Variants in KIAA1549 observed in about 807,000 individuals in gnomAD.
KIAA1549 encodes the protein UPF0606 protein KIAA1549.
In KIAA1549, 70 loss-of-function variants were observed where a neutral mutation model predicts 156.4. The ratio of observed to expected loss-of-function variants is 0.45; its 90% CI spans 0.37 to 0.55. The LOEUF is 0.55. KIAA1549 is among the 20% of genes least tolerant of loss of function. The pLI is 0.00. For synonymous variants in KIAA1549, 1,103 were observed against 1,066.4 expected (o/e 1.03, Z -0.67); for missense variants, 2,428 against 2,540.9 (o/e 0.96, Z 0.96).
chr7:138,904,639 A>C (rs1811955365), intron 7 of KIAA1549, among the ~76,000 whole-genome samples: 1 of 150,984 alleles, frequency 6.6e-6, no homozygotes, highest in Non-Finnish European at 1.5e-5. Flanking sequence ...AAAAAAAAAA[A>C]AGCTTCCCAG....
Position 138,837,975 on chromosome 7 carries a change from G to C in KIAA1549, c.5784C>G (p.Ile1928Met). ...GGAGGAGCTCCTCGCGGATTGCTTT[G>C]ATGAGAGAGGCCGAGGAGTGGCCAG... ...LQPGHSSASL[I>M]KAIREELLRL... Residue 1928 changes from isoleucine to methionine, a missense_variant, in exon 20 of 20, where the codon ATC becomes ATG. Around this residue, in one of 5 missense-constraint regions of KIAA1549, gnomAD observed 363 missense variants for 354.0 expected, o/e 1.03. Transcript: ENST00000422774. 6.2e-7 allele frequency: 1 copy of C among 1,613,726 alleles called. No homozygotes were observed. The highest frequency in any genetic ancestry group is 8.5e-7 in the Non-Finnish European group (1 of 1,179,832).
intron 1 of KIAA1549, among the ~76,000 whole-genome samples, chr7:138,971,049 G>T (rs1397520972): frequency 6.6e-6 from 1 of 152,170 alleles, no homozygotes; most frequent in Non-Finnish European, 1.5e-5. Flanking sequence ...CAGCTGCCCT[G>T]CCCTCGACAC....
intron 12 of KIAA1549, among the ~76,000 whole-genome samples, chr7:138,877,276 A>G (rs922486276): frequency 2.0e-5 from 3 of 152,316 alleles, no homozygotes; most frequent in East Asian, 1.9e-4. Flanking sequence ...GGCAGATCAC[A>G]TAAGGCCAGG....
chr7:138,881,683 A>C, intron 10 of KIAA1549, 99 bp from the exon 11 acceptor site: 1 of 999,652 alleles, frequency 1.0e-6, no homozygotes, highest in Non-Finnish European at 1.5e-6. Flanking sequence ...GCAATTCCAC[A>C]ACTCCAATCC....
chr7:138,936,186 G>A (rs1229934153), intron 1 of KIAA1549, among the ~76,000 whole-genome samples: 2 of 152,192 alleles, frequency 1.3e-5, no homozygotes, highest in Admixed American at 6.5e-5. Flanking sequence ...AGGTAAAAAA[G>A]ATGATCAAAT....
At chr7:138,900,028 C>T (rs142267069) in intron 8 of KIAA1549, among the ~76,000 whole-genome samples, 42 of 152,306 alleles carry the variant, frequency 2.8e-4, no homozygotes, top group East Asian at 1.4e-3. Context: ...GCGAGGGCTC[C>T]GAGCTCCTTA....
chr7:138,981,040 G>A lies in KIAA1549; in HGVS notation c.187+43C>T. ...TTTGAAAACAGCAGCGATAAAGGCAGGCGGGGTCGCGGCCGCGTTCCGAGG... is the reference window on the plus strand; with the variant it reads ...TTTGAAAACAGCAGCGATAAAGGCAAGCGGGGTCGCGGCCGCGTTCCGAGG... On this transcript the variant is annotated intron_variant, in intron 1 of 19. Coordinates refer to ENST00000422774, the MANE Select transcript of KIAA1549 (RefSeq NM_001164665.2). The surrounding 1 kb of genome is among the most constrained non-coding windows in gnomAD (Gnocchi z 4.5). The A allele has an allele frequency of 5.8e-6, 7 of 1,217,098 alleles. No individual in the cohort carries two copies. The South Asian group carries it at 1.7e-4, about 29-fold the overall frequency. The allele number at this position is 1,217,098 out of a possible 1,614,324, so 75.4% of individuals were successfully genotyped here.
chr7:138,894,101 C>T (rs977435255), intron 10 of KIAA1549, among the ~76,000 whole-genome samples: 3 of 152,148 alleles, frequency 2.0e-5, no homozygotes, highest in East Asian at 1.9e-4. Context: ...TAGTAGAACC[C>T]GGAGGGCATG....
At chr7:138,862,984 CT>C (rs1440693584) in intron 15 of KIAA1549, among the ~76,000 whole-genome samples, 9 of 152,256 alleles carry the variant, frequency 5.9e-5, no homozygotes, top group Admixed American at 5.9e-4. Context: ...ATACCTACTG[CT>C]TAAGAGGTAG....
At chr7:138,884,679 A>G (rs1395396122) in intron 10 of KIAA1549, among the ~76,000 whole-genome samples, 1 of 152,238 alleles carries the variant, frequency 6.6e-6, no homozygotes, top group Non-Finnish European at 1.5e-5. Flanking sequence ...CTGGTATAGC[A>G]TCACATGGCA....
intron 1 of KIAA1549, among the ~76,000 whole-genome samples, chr7:138,950,786 C>T (rs575934419): frequency 3.9e-5 from 6 of 152,272 alleles, no homozygotes; most frequent in African/African-American, 1.4e-4. Flanking sequence ...GACTCTGGAT[C>T]TCCCCGGGGG....
chr7:138,911,351 T>C (rs1273870214), intron 3 of KIAA1549, 28 bp from the exon 4 acceptor site: 1 of 1,494,514 alleles, frequency 6.7e-7, no homozygotes, highest in Admixed American at 2.2e-5. Context: ...ACAAAGACAA[T>C]TCAAACTTAA....
intron 19 of KIAA1549, among the ~76,000 whole-genome samples, chr7:138,839,128 C>T (rs1364291742): frequency 6.6e-6 from 1 of 152,160 alleles, no homozygotes; most frequent in Non-Finnish European, 1.5e-5. Context: ...CTAAGTATAA[C>T]AATGTCTCTT....
chr7:138,979,561 T>C (rs1814481324), intron 1 of KIAA1549, among the ~76,000 whole-genome samples: 1 of 152,196 alleles, frequency 6.6e-6, no homozygotes, highest in African/African-American at 2.4e-5. Flanking sequence ...ACTCAGGAGA[T>C]GGAAACCATT....
chr7:138,879,564 C>T lies in KIAA1549; in HGVS notation c.4319G>A (p.Gly1440Asp). Residue 1440 changes from glycine to aspartate, a missense_variant, in exon 12 of 20, where the codon GGC becomes GAC. Physicochemically the swap from Gly to Asp is moderately conservative, Grantham distance 94 (BLOSUM62 -1). Transcript: ENST00000422774. ...GDKTPGAVND[G>D]RSHRAPQSGP... ...GCTCTGCGGAGCTCTGTGGGACCTGCCATCGTTGACGGCTCCCGGCGTCTT... is the reference window on the plus strand; with the variant it reads ...GCTCTGCGGAGCTCTGTGGGACCTGTCATCGTTGACGGCTCCCGGCGTCTT... 1 of 1,566,500 alleles carries T rather than the reference C, an allele frequency of 6.4e-7. No homozygotes were observed. The highest frequency in any genetic ancestry group is 8.7e-7 in the Non-Finnish European group (1 of 1,155,118).
intron 16 of KIAA1549, among the ~76,000 whole-genome samples, chr7:138,856,497 ATAC>A (rs1810396152): frequency 1.3e-5 from 2 of 152,168 alleles, no homozygotes; most frequent in Non-Finnish European, 2.9e-5. Flanking sequence ...CTCACCAAGA[ATAC>A]TACAACAGCT....
intron 16 of KIAA1549, among the ~76,000 whole-genome samples, chr7:138,853,145 CAG>C (rs1459743593): frequency 6.6e-6 from 1 of 152,216 alleles, no homozygotes; most frequent in Non-Finnish European, 1.5e-5. Context: ...TAACTATGGG[CAG>C]AGTCTGTCCA....
intron 1 of KIAA1549, among the ~76,000 whole-genome samples, chr7:138,952,507 G>A (rs1813531015): frequency 6.6e-6 from 1 of 152,194 alleles, no homozygotes; most frequent in African/African-American, 2.4e-5. Flanking sequence ...CAGGAATAAA[G>A]TGAGGACTCT....
chr7:138,870,632 G>A (rs921363147), intron 13 of KIAA1549, among the ~76,000 whole-genome samples: 2 of 152,234 alleles, frequency 1.3e-5, no homozygotes, highest in African/African-American at 4.8e-5. Context: ...CTGGTCGGCC[G>A]CACTAACACT....
Sources: allele counts gnomAD v4.1 joint callset (sites outside exome capture counted in the v4.1 genomes callset), GRCh38; gene constraint gnomAD v4.1.1; regional missense constraint gnomAD v4.1.1; non-coding constraint Gnocchi (gnomAD v3.1); transcripts MANE v1.5; gene names NCBI Gene and HGNC (gene_info 2026-07-23, HGNC 2026-07-21).